TP63: variants seen among roughly 807,000 people sequenced by gnomAD.
The protein encoded by TP63 is tumor protein p63, also known as tumor protein 63.
TP63 carries 17 observed loss-of-function variants against 82.8 expected under a neutral mutation model. The ratio of observed to expected loss-of-function variants is 0.21; its 90% confidence interval spans 0.14 to 0.31. The LOEUF is 0.31. TP63 is among the 10% of genes least tolerant of loss of function. TP63 has a pLI of 1.00. For missense variants in TP63, 648 were observed against 895.3 expected, an observed-to-expected ratio of 0.72 and a Z score of 3.52; for synonymous variants, 330 against 321.7, an observed-to-expected ratio of 1.03 and a Z score of -0.28.
intron 1 of TP63, among the ~76,000 whole-genome samples, chr3:189,641,555 T>C (rs1456536516): frequency 1.3e-5 from 2 of 152,170 alleles, no homozygotes; most frequent in East Asian, 3.8e-4. Context: ...TAATCATAAA[T>C]AGTTTCAATG....
intron 4 of TP63, among the ~76,000 whole-genome samples, chr3:189,808,831 A>C (rs1727221374): frequency 6.6e-6 from 1 of 152,208 alleles, no homozygotes; most frequent in South Asian, 2.1e-4. Context: ...TGCCAACAAG[A>C]AGTATCATAA....
chr3:189,765,432 G>GTTTTTTTTTTTTTTTTTTTTT (rs1560167431), intron 3 of TP63, among the ~76,000 whole-genome samples: 5 of 6,184 alleles, frequency 8.1e-4, no homozygotes, highest in Admixed American at 1.8e-3. Context: ...CCTGTCCTCT[G>GTTTTTTTTTTTTTTTTTTTTT]CTTTTTTTTT....
At chr3:189,824,903 A>G (rs1393665474) in intron 4 of TP63, among the ~76,000 whole-genome samples, 1 of 152,142 alleles carries the variant, frequency 6.6e-6, no homozygotes, top group African/African-American at 2.4e-5. Context: ...GGGAAAGCAA[A>G]CTGAGCTATC....
intron 1 of TP63, among the ~76,000 whole-genome samples, chr3:189,677,215 T>TGC (rs1340046098): frequency 3.3e-5 from 5 of 151,158 alleles, no homozygotes; most frequent in African/African-American, 1.2e-4. Context: ...TGTGTGTGTG[T>TGC]ATACATATTG....
intron 5 of TP63, among the ~76,000 whole-genome samples, chr3:189,865,032 A>T (rs1717535155): frequency 6.6e-6 from 1 of 152,018 alleles, no homozygotes. Context: ...ATGAAAAAAA[A>T]ATAAGAGGGT....
chr3:189,873,850 C>T (rs977036266), intron 10 of TP63, among the ~76,000 whole-genome samples: 11 of 152,080 alleles, frequency 7.2e-5, no homozygotes, highest in Non-Finnish European at 1.5e-4. Context: ...GAAGTATTGT[C>T]AGAGACTCTG....
At chr3:189,620,088 C>T in the TP63 span, among the ~76,000 whole-genome samples, 3 of 152,160 alleles carry the variant, frequency 2.0e-5, no homozygotes. Flanking sequence ...AAGAAAAACT[C>T]TTGGCTGGGT....
At chr3:189,677,316 A>G (rs931145014) in intron 1 of TP63, among the ~76,000 whole-genome samples, 8 of 147,422 alleles carry the variant, frequency 5.4e-5, no homozygotes, top group Non-Finnish European at 8.9e-5. Context: ...TATATATTCT[A>G]TATACACACA....
chr3:189,607,885 T>G, the TP63 span, among the ~76,000 whole-genome samples: 1 of 152,108 alleles, frequency 6.6e-6, no homozygotes, highest in Non-Finnish European at 1.5e-5. Context: ...AACTCATGAC[T>G]CTAATATTCT....
intron 10 of TP63, among the ~76,000 whole-genome samples, chr3:189,875,108 A>G (rs1718887011): frequency 6.6e-6 from 1 of 151,668 alleles, no homozygotes; most frequent in South Asian, 2.1e-4. Flanking sequence ...TGTCTTTTGC[A>G]ACTACTCAGC....
At chr3:189,624,669 T>C in the TP63 span, among the ~76,000 whole-genome samples, 1 of 152,194 alleles carries the variant, frequency 6.6e-6, no homozygotes, top group Non-Finnish European at 1.5e-5. Flanking sequence ...GTGGTGCATT[T>C]ATAATTGCAT....
chr3:189,655,008 G>A (rs1394858940), intron 1 of TP63, among the ~76,000 whole-genome samples: 1 of 152,120 alleles, frequency 6.6e-6, no homozygotes, highest in Admixed American at 6.6e-5. Flanking sequence ...AGTGACTACT[G>A]CAGTGCTGTT....
At chr3:189,770,398 C>T (rs1413153635) in intron 3 of TP63, among the ~76,000 whole-genome samples, 1 of 152,050 alleles carries the variant, frequency 6.6e-6, no homozygotes, top group African/African-American at 2.4e-5. Flanking sequence ...AACCCCGTCT[C>T]TACTAAAAAT....
intron 1 of TP63, among the ~76,000 whole-genome samples, chr3:189,681,327 A>G (rs905992289): frequency 2.0e-5 from 3 of 152,122 alleles, no homozygotes; most frequent in Non-Finnish European, 4.4e-5. Context: ...CTCCTATTTC[A>G]CTATTTTGCT....
upstream of TP63, among the ~76,000 whole-genome samples, chr3:189,627,502 C>T (rs866453574): frequency 2.6e-5 from 4 of 152,108 alleles, no homozygotes; most frequent in South Asian, 2.1e-4. Context: ...ACATAGTAGC[C>T]AGTAGCCTCA....
chr3:189,871,694 C>G (rs1718434070), intron 9 of TP63, among the ~76,000 whole-genome samples: 1 of 152,196 alleles, frequency 6.6e-6, no homozygotes, highest in Admixed American at 6.5e-5. Flanking sequence ...TTGCCTCACT[C>G]TAGTCCTGGC....
At chr3:189,708,324 AAC>A (rs1461416429) in intron 1 of TP63, among the ~76,000 whole-genome samples, 3 of 152,216 alleles carry the variant, frequency 2.0e-5, no homozygotes, top group Non-Finnish European at 4.4e-5. Context: ...TTTCGTGAAC[AAC>A]AGTTTCAAAG....
intron 4 of TP63, among the ~76,000 whole-genome samples, chr3:189,830,251 G>A (rs550350635): frequency 6.6e-6 from 1 of 152,294 alleles, no homozygotes; most frequent in South Asian, 2.1e-4. Flanking sequence ...CGTTGTAACA[G>A]TCTGCCAGAG....
chr3:189,813,394 T>A (rs571957786), intron 4 of TP63, among the ~76,000 whole-genome samples: 72 of 152,222 alleles, frequency 4.7e-4, no homozygotes, highest in African/African-American at 1.7e-3. Flanking sequence ...TGCTTGAGAA[T>A]TGAGAGTCCT....
Sources: allele counts gnomAD v4.1 joint callset (sites outside exome capture counted in the v4.1 genomes callset), GRCh38; gene constraint gnomAD v4.1.1; transcripts MANE v1.5; gene names NCBI Gene and HGNC (gene_info 2026-07-23, HGNC 2026-07-21).